RFTN2: variants seen among roughly 807,000 people sequenced by gnomAD.
The protein encoded by RFTN2 is raftlin-2.
RFTN2 carries 34 observed loss-of-function variants against 52.7 expected under a neutral mutation model. The observed-to-expected ratio is 0.64, with a 90% CI of 0.49 to 0.86. The LOEUF (loss-of-function observed/expected upper bound fraction) is 0.86. Ranked by LOEUF, RFTN2 falls within the 40% of genes least tolerant of loss-of-function variation. The probability of loss-of-function intolerance (pLI) is 0.00; values close to 1 mark genes in which losing one functional copy is unlikely to be tolerated. For synonymous variants in RFTN2, 203 were observed against 217.7 expected, an observed-to-expected ratio of 0.93 and a Z score of 0.59; for missense variants, 536 against 600.1, an observed-to-expected ratio of 0.89 and a Z score of 1.12.
intron 8 of RFTN2, among the ~76,000 whole-genome samples, chr2:197,582,894 C>A (rs1192301361): frequency 6.6e-6 from 1 of 152,146 alleles, no homozygotes. Flanking sequence ...GCTAGTGTTC[C>A]AATTTCTGTC....
At position 197,572,215 on chromosome 2, in the gene RFTN2, T is replaced by C; in HGVS notation, c.1299A>G (p.Leu433=). The change falls in exon 9 of 9, where the codon TTA becomes TTG. Residue 433 remains leucine, a synonymous_variant. Coordinates refer to ENST00000295049, the MANE Select transcript of RFTN2 (RefSeq NM_144629.3). ...CTGCAGGTTGTGACGAGGTTGTGTC[T>C]AATCCGATGCTTCTACTAGTGGCTT... The part of the protein sequence containing the change: ...KNKATSRSIG[L]DTTSSQPAES... The C allele has an allele frequency of 6.2e-7, 1 of 1,614,248 alleles. No homozygotes were observed. Among genetic ancestry groups the C allele is most frequent in the Non-Finnish European group, 8.5e-7 (1 of 1,180,024 alleles).
chr2:197,675,320 C>T lies in RFTN2; in HGVS notation c.139G>A (p.Ala47Thr). The T allele has an allele frequency of 1.3e-6, 2 of 1,591,398 alleles. No individual in the cohort carries two copies. Among genetic ancestry groups the T allele is most frequent in the Non-Finnish European group, 1.7e-6 (2 of 1,169,558 alleles). ...CAAACAAAATAGAAGCAAAAAGTACCTTGTAGAGTAAAATCCAGCAATACA... is the reference window on the plus strand; with the variant it reads ...CAAACAAAATAGAAGCAAAAAGTACTTTGTAGAGTAAAATCCAGCAATACA... ...EYVLLDFTLQ[A>T]SSNPEVIKIN... The change falls in exon 1 of 9, where the codon GCT (alanine) becomes ACT (threonine). Residue 47 changes from alanine (A) to threonine (T), a missense_variant and splice_region_variant. Coordinates refer to ENST00000295049, the MANE Select transcript of RFTN2 (RefSeq NM_144629.3).
intron 7 of RFTN2, among the ~76,000 whole-genome samples, chr2:197,598,597 T>C (rs2087827523): frequency 6.6e-6 from 1 of 152,208 alleles, no homozygotes. Context: ...CTGAATGCAC[T>C]AAGATCTGAT....
chr2:197,652,657 A>C (rs959895451), intron 1 of RFTN2, among the ~76,000 whole-genome samples: 8 of 152,216 alleles, frequency 5.3e-5, no homozygotes, highest in African/African-American at 1.9e-4. Flanking sequence ...TTAATGGTAC[A>C]TAAAATAATA....
intron 7 of RFTN2, among the ~76,000 whole-genome samples, chr2:197,609,865 T>G (rs2088027325): frequency 6.6e-6 from 1 of 152,226 alleles, no homozygotes; most frequent in African/African-American, 2.4e-5. Flanking sequence ...CACCATTTAT[T>G]AAATAGGGAA....
In RFTN2 at chr2:197,571,481, T is replaced by C. The variant is rs2087315600; in HGVS notation, c.*527A>G. The C allele has an allele frequency of 1.3e-5, 2 of 155,708 alleles. No homozygotes were observed. The highest frequency in any genetic ancestry group is 6.3e-5 in the Admixed American group (1 of 15,898). The allele number at this position is 155,708 out of a possible 1,614,324, so 9.6% of individuals were successfully genotyped here. Reference sequence around the variant, plus strand: ...TTTTAACACATAGGGGCTTGCTTTGTATATACATGCTATAGTTAAAGACAA... The same window carrying C: ...TTTTAACACATAGGGGCTTGCTTTGCATATACATGCTATAGTTAAAGACAA... On this transcript the variant is annotated 3_prime_UTR_variant, in exon 9 of 9. Coordinates refer to ENST00000295049, the MANE Select transcript of RFTN2 (RefSeq NM_144629.3).
At chr2:197,675,000 A>G (rs2089196621) in intron 1 of RFTN2, among the ~76,000 whole-genome samples, 1 of 152,182 alleles carries the variant, frequency 6.6e-6, no homozygotes, top group Non-Finnish European at 1.5e-5. Flanking sequence ...ACTGTCACTA[A>G]GGCTATATAG....
At position 197,615,876 on chromosome 2, in the gene RFTN2, C is replaced by G; in HGVS notation, c.1154G>C (p.Ser385Thr). 6.6e-7 allele frequency: 1 copy of G among 1,521,922 alleles called. No homozygotes were observed. Among genetic ancestry groups the G allele is most frequent in the African/African-American group, 1.4e-5 (1 of 72,526 alleles). 94.3% of individuals were successfully genotyped at this position (1,521,922 alleles called of 1,614,324 possible). The change falls in exon 7 of 9, where the codon AGT becomes ACT. Residue 385 changes from serine (S) to threonine (T), a missense_variant and splice_region_variant. By Grantham distance (58) the Ser-to-Thr change is moderately conservative. Coordinates refer to ENST00000295049, the MANE Select transcript of RFTN2 (RefSeq NM_144629.3). ...GTATGTAAGGATACTTTTGCCTTACCTGTCATGTCTCAATACAGGTGTGGG... is the reference window on the plus strand; with the variant it reads ...GTATGTAAGGATACTTTTGCCTTACGTGTCATGTCTCAATACAGGTGTGGG... The part of the protein sequence containing the change: ...VLPTPVLRHD[S>T]EGNLATKQIV...
chr2:197,643,713 ACAGTT>A (rs1272902659), intron 3 of RFTN2, among the ~76,000 whole-genome samples: 2 of 152,114 alleles, frequency 1.3e-5, no homozygotes, highest in African/African-American at 2.4e-5. Context: ...TTTTCCTAGT[ACAGTT>A]AAGTTATATT....
At chr2:197,624,416 G>A (rs1364774275) in intron 5 of RFTN2, among the ~76,000 whole-genome samples, 6 of 149,720 alleles carry the variant, frequency 4.0e-5, no homozygotes, top group African/African-American at 2.5e-5. Flanking sequence ...TGGCTAACAC[G>A]GTGAAACCCA....
At chr2:197,665,768 A>G (rs910494770) in intron 1 of RFTN2, among the ~76,000 whole-genome samples, 6 of 139,762 alleles carry the variant, frequency 4.3e-5, no homozygotes, top group African/African-American at 1.6e-4. Flanking sequence ...CTTACATTCA[A>G]GGTTATTACT....
intron 1 of RFTN2, among the ~76,000 whole-genome samples, chr2:197,668,757 C>G (rs1255312954): frequency 6.6e-6 from 1 of 152,162 alleles, no homozygotes; most frequent in Admixed American, 6.5e-5. Context: ...CTGTAGCTGC[C>G]TAAGTCTCGG....
In RFTN2 at chr2:197,570,182, C is replaced by CACTA. The variant is rs2087294095; in HGVS notation, c.*1822_*1825dup. On this transcript the variant is annotated 3_prime_UTR_variant, in exon 9 of 9. Coordinates refer to ENST00000295049, the MANE Select transcript of RFTN2 (RefSeq NM_144629.3). ...GCAGTGATTGTTTCTACCAAAAATCCACTAACTCTTGATTATGGAACTCAA... is the reference window on the plus strand; with the variant it reads ...GCAGTGATTGTTTCTACCAAAAATCCACTAACTAACTCTTGATTATGGAACTCAA... The CACTA allele has an allele frequency of 6.6e-6, 1 of 152,060 alleles. No individual in the cohort carries two copies. The highest frequency in any genetic ancestry group is 6.6e-5 in the Admixed American group (1 of 15,256). 9.4% of individuals were successfully genotyped at this position (152,060 alleles called of 1,614,324 possible). A position where few individuals can be genotyped will look rare whatever the true frequency, so the allele number is the denominator to read the frequency against.
intron 3 of RFTN2, among the ~76,000 whole-genome samples, chr2:197,635,219 C>G (rs1229733100): frequency 6.6e-6 from 1 of 152,024 alleles, no homozygotes; most frequent in Non-Finnish European, 1.5e-5. Context: ...GTCTTTATAG[C>G]AGCATGATTT....
intron 7 of RFTN2, among the ~76,000 whole-genome samples, chr2:197,601,737 T>C (rs1187721487): frequency 6.6e-6 from 1 of 152,174 alleles, no homozygotes; most frequent in Non-Finnish European, 1.5e-5. Flanking sequence ...AATTAAGCAT[T>C]CCACCTTATA....
At chr2:197,576,237 C>T (rs936331437) in intron 8 of RFTN2, among the ~76,000 whole-genome samples, 7 of 152,072 alleles carry the variant, frequency 4.6e-5, no homozygotes, top group African/African-American at 1.7e-4. Flanking sequence ...GAACTCCTGA[C>T]CTCAGCATTT....
chr2:197,597,150 G>A (rs2087804662), intron 7 of RFTN2, among the ~76,000 whole-genome samples: 1 of 152,152 alleles, frequency 6.6e-6, no homozygotes, highest in African/African-American at 2.4e-5. Flanking sequence ...CAGCCTTACT[G>A]ATACCACTGA....
At position 197,616,528 on chromosome 2, in the gene RFTN2, G is replaced by A. The variant is rs949667275; in HGVS notation, c.1051-549C>T. ...GCTGGTCTTGAACTCCCGGGCTCAA[G>A]TTATCCTCCCATTTCACCTTCCTAA... On this transcript the variant is annotated intron_variant, in intron 6 of 8. Transcript: ENST00000295049. 2.0e-5 allele frequency among the ~76,000 whole-genome samples: 3 copies of A among 152,026 alleles called. No individual in the cohort carries two copies. The East Asian group carries it at 5.8e-4, about 29-fold the overall frequency.
At chr2:197,647,635 G>A (rs2088772020) in intron 1 of RFTN2, among the ~76,000 whole-genome samples, 1 of 152,162 alleles carries the variant, frequency 6.6e-6, no homozygotes, top group Non-Finnish European at 1.5e-5. Flanking sequence ...AAAGCACTGT[G>A]TTTTAAGTTT....
Sources: gnomAD v4.1 joint callset for allele counts (sites outside exome capture counted in the v4.1 genomes callset) on GRCh38, gnomAD v4.1.1 for gene constraint, MANE v1.5 for transcripts, NCBI Gene and HGNC (gene_info 2026-07-23, HGNC 2026-07-21) for gene names.